Variants in ARB2A observed in about 807,000 individuals in gnomAD.
ARB2A encodes cotranscriptional regulator ARB2A.
At chr5:93,732,639 T>C in the ARB2A span, among the ~76,000 whole-genome samples, 1 of 151,744 alleles carries the variant, frequency 6.6e-6, no homozygotes, top group Non-Finnish European at 1.5e-5. Context: ...CTCATGTATA[T>C]GGCTCCGTAC....
chr5:94,100,547 G>A, the ARB2A span, among the ~76,000 whole-genome samples: 1 of 152,064 alleles, frequency 6.6e-6, no homozygotes, highest in East Asian at 1.9e-4. Context: ...ATACTACAAG[G>A]CTACAGGGAC....
chr5:93,822,066 T>C, the ARB2A span, among the ~76,000 whole-genome samples: 5 of 152,208 alleles, frequency 3.3e-5, no homozygotes, highest in Non-Finnish European at 7.3e-5. Flanking sequence ...ATGTGCCTCC[T>C]GCAGAGATAG....
the ARB2A span, among the ~76,000 whole-genome samples, chr5:93,924,787 A>T: frequency 6.6e-6 from 1 of 152,194 alleles, no homozygotes; most frequent in Non-Finnish European, 1.5e-5. Flanking sequence ...GTAATTCAAA[A>T]ATAGCTGGGC....
the ARB2A span, among the ~76,000 whole-genome samples, chr5:93,820,006 T>A: frequency 1.3e-5 from 2 of 152,252 alleles, no homozygotes; most frequent in African/African-American, 4.8e-5. Context: ...AGGAGCTGTT[T>A]TCACACATTT....
chr5:94,065,987 A>G, the ARB2A span, among the ~76,000 whole-genome samples: 8 of 152,200 alleles, frequency 5.3e-5, no homozygotes, highest in Non-Finnish European at 1.5e-5. Flanking sequence ...CCACAAAACA[A>G]GACTCAACAA....
chr5:93,903,054 T>A, the ARB2A span, among the ~76,000 whole-genome samples: 1 of 152,112 alleles, frequency 6.6e-6, no homozygotes, highest in African/African-American at 2.4e-5. Context: ...CAAGTTGGGC[T>A]AAAGAGCATT....
the ARB2A span, among the ~76,000 whole-genome samples, chr5:93,986,351 G>T: frequency 6.8e-6 from 1 of 146,190 alleles, no homozygotes; most frequent in Non-Finnish European, 1.5e-5. Context: ...GGCAGCCACC[G>T]TGTCTGGTAG....
At chr5:93,884,347 T>C in the ARB2A span, among the ~76,000 whole-genome samples, 1 of 151,720 alleles carries the variant, frequency 6.6e-6, no homozygotes, top group South Asian at 2.1e-4. Context: ...AATAAGACTC[T>C]GAAATTTGAT....
chr5:93,748,017 C>A, the ARB2A span, among the ~76,000 whole-genome samples: 1 of 152,108 alleles, frequency 6.6e-6, no homozygotes, highest in Admixed American at 6.5e-5. Flanking sequence ...AAGTGCTAAT[C>A]TAGTTAATGT....
chr5:93,926,068 G>A, the ARB2A span, among the ~76,000 whole-genome samples: 1 of 151,930 alleles, frequency 6.6e-6, no homozygotes, highest in Admixed American at 6.5e-5. Flanking sequence ...GGCTAGGCCT[G>A]TGTACTCTAT....
chr5:93,651,692 T>TA, the ARB2A span, among the ~76,000 whole-genome samples: 1 of 152,160 alleles, frequency 6.6e-6, no homozygotes, highest in African/African-American at 2.4e-5. Flanking sequence ...TTATTTTATT[T>TA]AAAAAATAAC....
At chr5:93,835,932 A>G in the ARB2A span, among the ~76,000 whole-genome samples, 5 of 152,200 alleles carry the variant, frequency 3.3e-5, no homozygotes, top group South Asian at 2.1e-4. Context: ...ATAAAATCCA[A>G]ATGGAAGGTA....
the ARB2A span, among the ~76,000 whole-genome samples, chr5:94,047,026 T>C: frequency 6.6e-6 from 1 of 151,932 alleles, no homozygotes; most frequent in African/African-American, 2.4e-5. Flanking sequence ...GATGGTATGA[T>C]ACAAATACTG....
the ARB2A span, among the ~76,000 whole-genome samples, chr5:93,704,396 A>G: frequency 6.6e-6 from 1 of 152,112 alleles, no homozygotes; most frequent in Admixed American, 6.6e-5. Flanking sequence ...TCTACAAAAC[A>G]AAACAAAAAT....
the ARB2A span, among the ~76,000 whole-genome samples, chr5:93,659,673 G>A: frequency 1.3e-5 from 2 of 152,124 alleles, no homozygotes; most frequent in Admixed American, 6.6e-5. Flanking sequence ...TCACCACCAT[G>A]CTCACTGATG....
chr5:93,994,113 C>CA, the ARB2A span, among the ~76,000 whole-genome samples: 1 of 151,850 alleles, frequency 6.6e-6, no homozygotes, highest in Non-Finnish European at 1.5e-5. Flanking sequence ...AGAGGTTCCT[C>CA]AAAAAAATTA....
the ARB2A span, among the ~76,000 whole-genome samples, chr5:93,899,912 T>C: frequency 6.6e-6 from 1 of 152,176 alleles, no homozygotes; most frequent in Non-Finnish European, 1.5e-5. Flanking sequence ...CATTTTTCTA[T>C]ATTCAATAAA....
At chr5:93,730,907 T>C in the ARB2A span, among the ~76,000 whole-genome samples, 1 of 152,212 alleles carries the variant, frequency 6.6e-6, no homozygotes, top group Non-Finnish European at 1.5e-5. Flanking sequence ...CAGAAGGTTA[T>C]TGGTTGGGAG....
chr5:93,790,546 A>G, the ARB2A span, among the ~76,000 whole-genome samples: 2 of 152,206 alleles, frequency 1.3e-5, no homozygotes, highest in African/African-American at 4.8e-5. Context: ...TCATCAGCAC[A>G]CTAGACCAGT....
Sources: gnomAD v4.1 joint callset for allele counts (sites outside exome capture counted in the v4.1 genomes callset) on GRCh38, gnomAD v4.1.1 for gene constraint, MANE v1.5 for transcripts, NCBI Gene and HGNC (gene_info 2026-07-23, HGNC 2026-07-21) for gene names.